Variants in ASZ1 observed in about 807,000 individuals in gnomAD.
The protein encoded by ASZ1 is ankyrin repeat, SAM and basic leucine zipper domain containing 1, also known as ankyrin repeat, SAM and basic leucine zipper domain-containing protein 1.
A neutral mutation model predicts 61.8 loss-of-function variants in ASZ1; 67 were observed. The observed-to-expected ratio is 1.08, with a 90% CI of 0.89 to 1.33. The LOEUF is 1.33. Ranked by LOEUF, ASZ1 falls within the 40% of genes most tolerant of loss-of-function variation. ASZ1 has a pLI of 0.00. For missense variants in ASZ1, 577 were observed against 554.5 expected, an observed-to-expected ratio of 1.04 and a Z score of -0.41; for synonymous variants, 193 against 192.7, an observed-to-expected ratio of 1.00 and a Z score of -0.01.
intron 4 of ASZ1, among the ~76,000 whole-genome samples, chr7:117,404,075 G>A (rs1796733334): frequency 6.6e-6 from 1 of 152,142 alleles, no homozygotes; most frequent in Non-Finnish European, 1.5e-5. Context: ...AAAAAGGTGA[G>A]GGACCACTGC....
In ASZ1 at chr7:117,366,411, G is replaced by A. The variant is rs193163742; in HGVS notation, c.1275+941C>T. Among the ~76,000 whole-genome samples, 663 of 152,108 alleles carry A rather than the reference G, an allele frequency of 4.4e-3. 5 individuals are homozygous for A. The highest frequency in any genetic ancestry group is 0.013 in the African/African-American group (542 of 41,508). On this transcript the variant is annotated intron_variant, in intron 12 of 12. Coordinates refer to ENST00000284629, the MANE Select transcript of ASZ1 (RefSeq NM_130768.3). ...AATGAAAATGTTAAATGAATTATGG[G>A]TTGAAGCTGTATAAATAATGTATAA...
rs575161282 is a variant in ASZ1, at chr7:117,385,639, T to C, written c.552+59A>G. The C allele has an allele frequency of 1.1e-4, 149 of 1,367,370 alleles. No homozygotes were observed. In the African/African-American group the frequency reaches 2.1e-3, roughly 19 times the overall value. The allele number at this position is 1,367,370 out of a possible 1,614,324, so 84.7% of individuals were successfully genotyped here. On this transcript the variant is annotated intron_variant, in intron 5 of 12. Coordinates refer to ENST00000284629, the MANE Select transcript of ASZ1 (RefSeq NM_130768.3). ...TAATTATTACTTCTTAAAATTCTTT[T>C]TTTGTAGATTACTGATAATAACAGA...
chr7:117,419,543 T>C (rs921543290), intron 4 of ASZ1, among the ~76,000 whole-genome samples: 3 of 152,122 alleles, frequency 2.0e-5, no homozygotes, highest in Non-Finnish European at 4.4e-5. Context: ...AAAGATTAAA[T>C]GAAACACAAA....
intron 10 of ASZ1, among the ~76,000 whole-genome samples, chr7:117,369,146 T>C (rs992715143): frequency 6.6e-6 from 1 of 152,120 alleles, no homozygotes; most frequent in Non-Finnish European, 1.5e-5. Flanking sequence ...GAATTTAGTA[T>C]CACATGAGAA....
intron 10 of ASZ1, among the ~76,000 whole-genome samples, chr7:117,370,517 A>C (rs1214639409): frequency 6.6e-6 from 1 of 152,202 alleles, no homozygotes; most frequent in Admixed American, 6.5e-5. Flanking sequence ...CAGTGGCAGA[A>C]GCCAATTTAC....
intron 1 of ASZ1, 62 bp downstream of exon 1, chr7:117,427,294 C>T (rs979382654): frequency 1.0e-5 from 16 of 1,559,034 alleles, no homozygotes; most frequent in East Asian, 4.5e-5. Flanking sequence ...GGCTGGGCCT[C>T]GCCTTCGAGG....
chr7:117,424,724 C>A (rs927653993), intron 2 of ASZ1, among the ~76,000 whole-genome samples: 1 of 152,120 alleles, frequency 6.6e-6, no homozygotes, highest in Admixed American at 6.5e-5. Flanking sequence ...CTATTCCACC[C>A]CATGCTATGT....
At chr7:117,409,185 C>T (rs1796847943) in intron 4 of ASZ1, among the ~76,000 whole-genome samples, 1 of 151,828 alleles carries the variant, frequency 6.6e-6, no homozygotes, top group Non-Finnish European at 1.5e-5. Flanking sequence ...GGTCCTTTAA[C>T]CACATTATAT....
At chr7:117,387,348 G>A (rs957548494) in intron 4 of ASZ1, among the ~76,000 whole-genome samples, 12 of 141,894 alleles carry the variant, frequency 8.5e-5, no homozygotes, top group Non-Finnish European at 1.7e-4. Context: ...CAACAACAAC[G>A]CCACCCAAAA....
intron 7 of ASZ1, among the ~76,000 whole-genome samples, chr7:117,382,380 T>C (rs1796271940): frequency 6.6e-6 from 1 of 152,108 alleles, no homozygotes. Context: ...TATGTACTCC[T>C]TGTGAAATTT....
At chr7:117,426,739 G>C in intron 2 of ASZ1, 97 bp downstream of exon 2, 1 of 1,050,844 alleles carries the variant, frequency 9.5e-7, no homozygotes, top group South Asian at 1.8e-5. Flanking sequence ...CATTTGTTGC[G>C]TTTCCATTAG....
chr7:117,391,914 C>T (rs148372043), intron 4 of ASZ1, among the ~76,000 whole-genome samples: 7,764 of 152,112 alleles, frequency 0.051, 307 homozygotes, highest in Non-Finnish European at 0.082. Context: ...GCCTCAGCCT[C>T]CCGAGTAGCT....
chr7:117,382,909 T>A (rs1258162626), intron 7 of ASZ1, 77 bp downstream of exon 7: 7 of 1,337,380 alleles, frequency 5.2e-6, no homozygotes, highest in African/African-American at 1.5e-5. Flanking sequence ...TTTAAATAAG[T>A]CACCACATTT....
At chr7:117,413,372 T>C (rs1194781753) in intron 4 of ASZ1, among the ~76,000 whole-genome samples, 1 of 152,046 alleles carries the variant, frequency 6.6e-6, no homozygotes, top group Non-Finnish European at 1.5e-5. Flanking sequence ...AAAGATTATT[T>C]AGACAATGTA....
At chr7:117,368,097 A>T in intron 11 of ASZ1, 1 of 437,840 alleles carries the variant, frequency 2.3e-6, no homozygotes, top group Non-Finnish European at 3.0e-6. Flanking sequence ...GCTAATTTTT[A>T]AAAATTCTTT....
intron 11 of ASZ1, chr7:117,368,325 G>A (rs1350879357): frequency 9.6e-7 from 1 of 1,043,348 alleles, no homozygotes; most frequent in Non-Finnish European, 1.2e-6. Flanking sequence ...TGGGTCTCCT[G>A]TCACTTTATA....
chr7:117,405,500 C>T (rs1439143572), intron 4 of ASZ1, among the ~76,000 whole-genome samples: 1 of 152,230 alleles, frequency 6.6e-6, no homozygotes, highest in African/African-American at 2.4e-5. Flanking sequence ...CCCCCTGCAC[C>T]AGCTCTTCCA....
At chr7:117,400,832 A>G (rs1010254292) in intron 4 of ASZ1, among the ~76,000 whole-genome samples, 1 of 152,222 alleles carries the variant, frequency 6.6e-6, no homozygotes, top group African/African-American at 2.4e-5. Flanking sequence ...GTTTGAATTG[A>G]GACTGTGGAA....
At chr7:117,364,626 T>C (rs1238613221) in intron 12 of ASZ1, among the ~76,000 whole-genome samples, 1 of 152,134 alleles carries the variant, frequency 6.6e-6, no homozygotes, top group African/African-American at 2.4e-5. Context: ...AGTGATGACA[T>C]AAATACTTTC....
Sources: gnomAD v4.1 joint callset for allele counts (sites outside exome capture counted in the v4.1 genomes callset) on GRCh38, gnomAD v4.1.1 for gene constraint, MANE v1.5 for transcripts, NCBI Gene and HGNC (gene_info 2026-07-23, HGNC 2026-07-21) for gene names.